Variants in MSRB3 observed in about 807,000 individuals in gnomAD.
The protein encoded by MSRB3 is methionine sulfoxide reductase B3.
In MSRB3, 13 loss-of-function variants were observed where a neutral mutation model predicts 21.0. The ratio of observed to expected loss-of-function variants is 0.62; its 90% CI spans 0.40 to 0.98. The LOEUF is 0.98. Ranked by LOEUF, MSRB3 falls within the 50% of genes least tolerant of loss-of-function variation. The pLI, the probability that MSRB3 is intolerant of heterozygous loss-of-function variation, is 0.00. For missense variants in MSRB3, 199 were observed against 230.3 expected (o/e 0.86, Z 0.88); for synonymous variants, 87 against 88.6 (o/e 0.98, Z 0.10).
intron 5 of MSRB3, among the ~76,000 whole-genome samples, chr12:65,399,938 C>T (rs1880028878): frequency 6.6e-6 from 1 of 152,154 alleles, no homozygotes; most frequent in Non-Finnish European, 1.5e-5. Flanking sequence ...AGCCTTGCAT[C>T]CCAGGGATGA....
At chr12:65,331,999 C>A (rs910118895) in intron 4 of MSRB3, among the ~76,000 whole-genome samples, 3 of 152,226 alleles carry the variant, frequency 2.0e-5, no homozygotes, top group Non-Finnish European at 4.4e-5. Context: ...CTCCTGGAGT[C>A]TGTCTCCTGT....
chr12:65,443,263 G>C (rs1375876881), intron 5 of MSRB3, among the ~76,000 whole-genome samples: 2 of 152,092 alleles, frequency 1.3e-5, no homozygotes, highest in African/African-American at 4.8e-5. Context: ...GGACACCTCA[G>C]TGTTCTTGAC....
chr12:65,397,969 T>G (rs181903489), intron 5 of MSRB3, among the ~76,000 whole-genome samples: 347 of 152,336 alleles, frequency 2.3e-3, no homozygotes, highest in African/African-American at 8.0e-3. Flanking sequence ...TAGTATTCCA[T>G]GATGTATATG....
chr12:65,333,768 A>G (rs892627671), intron 4 of MSRB3, among the ~76,000 whole-genome samples: 1 of 152,196 alleles, frequency 6.6e-6, no homozygotes, highest in Non-Finnish European at 1.5e-5. Flanking sequence ...ACTTTGTTTT[A>G]TAATTATCTG....
At chr12:65,387,569 T>C (rs750628480) in intron 5 of MSRB3, among the ~76,000 whole-genome samples, 6 of 152,194 alleles carry the variant, frequency 3.9e-5, no homozygotes, top group Admixed American at 6.5e-5. Context: ...AGGCTGGAAA[T>C]AAGAGCAGGG....
intron 5 of MSRB3, among the ~76,000 whole-genome samples, chr12:65,370,757 A>T (rs1373361877): frequency 2.6e-5 from 4 of 151,800 alleles, no homozygotes; most frequent in Admixed American, 6.6e-5. Flanking sequence ...GTTCTTATTT[A>T]AAAAAAATCT....
intron 1 of MSRB3, among the ~76,000 whole-genome samples, chr12:65,298,130 A>T (rs755034193): frequency 2.0e-5 from 3 of 151,968 alleles, no homozygotes; most frequent in Non-Finnish European, 4.4e-5. Context: ...CAGCGTTCCG[A>T]GTAGCTGGAA....
At chr12:65,411,806 A>G (rs1880729438) in intron 5 of MSRB3, among the ~76,000 whole-genome samples, 1 of 149,308 alleles carries the variant, frequency 6.7e-6, no homozygotes, top group Non-Finnish European at 1.5e-5. Context: ...TTTATACTAT[A>G]TACTTATGTT....
chr12:65,416,216 G>T (rs1048683221), intron 5 of MSRB3, among the ~76,000 whole-genome samples: 1 of 152,154 alleles, frequency 6.6e-6, no homozygotes, highest in African/African-American at 2.4e-5. Context: ...AACACCTGGG[G>T]AAATGTTCCC....
chr12:65,336,448 A>G (rs977788640), intron 4 of MSRB3, among the ~76,000 whole-genome samples: 1 of 152,224 alleles, frequency 6.6e-6, no homozygotes, highest in Admixed American at 6.5e-5. Context: ...TTGTGTGTGT[A>G]TGTGTATTAT....
chr12:65,432,285 A>C (rs1881913122), intron 5 of MSRB3, among the ~76,000 whole-genome samples: 1 of 152,014 alleles, frequency 6.6e-6, no homozygotes, highest in Non-Finnish European at 1.5e-5. Flanking sequence ...TCATTACATA[A>C]TCTATATCCA....
At chr12:65,427,960 A>T (rs73121333) in intron 5 of MSRB3, among the ~76,000 whole-genome samples, 27,000 of 152,180 alleles carry the variant, frequency 0.18, 2,933 homozygotes, top group Admixed American at 0.25. Flanking sequence ...GTGCAGCCAC[A>T]GGACCCAGGT....
At chr12:65,387,916 C>T (rs1879276110) in intron 5 of MSRB3, among the ~76,000 whole-genome samples, 2 of 151,508 alleles carry the variant, frequency 1.3e-5, no homozygotes, top group Non-Finnish European at 2.9e-5. Context: ...ATGGTATTTA[C>T]TTAGGGTTTA....
chr12:65,435,423 ATT>A (rs1228136567), intron 5 of MSRB3, among the ~76,000 whole-genome samples: 1 of 151,788 alleles, frequency 6.6e-6, no homozygotes, highest in Non-Finnish European at 1.5e-5. Context: ...TTAATGCTTT[ATT>A]ATATTTGTGA....
At position 65,459,009 on chromosome 12, in the gene MSRB3, GAAGT is replaced by G. The variant is rs1883207652; in HGVS notation, c.391-4141_391-4138del. Among the ~76,000 whole-genome samples, 3 of 152,350 alleles carry G rather than the reference GAAGT, an allele frequency of 2.0e-5. No homozygotes were observed. The South Asian group carries it at 6.2e-4, about 32-fold the overall frequency. ...TCCACAGTTTAACCTGCAGTTCAGT[GAAGT>G]AAGTTCCTTCTAGAATACTTGGGGA... On this transcript the variant is annotated intron_variant, in intron 6 of 6. Coordinates refer to ENST00000308259, the MANE Select transcript of MSRB3 (RefSeq NM_001031679.3).
intron 1 of MSRB3, among the ~76,000 whole-genome samples, chr12:65,293,944 G>A (rs1030323331): frequency 2.6e-5 from 4 of 152,190 alleles, no homozygotes; most frequent in African/African-American, 7.2e-5. Context: ...TTTACTTTCA[G>A]AGCTCTCCTG....
At chr12:65,280,633 C>G (rs1275685108) in intron 1 of MSRB3, among the ~76,000 whole-genome samples, 1 of 152,072 alleles carries the variant, frequency 6.6e-6, no homozygotes, top group Non-Finnish European at 1.5e-5. Flanking sequence ...TATTAGGGCC[C>G]TATATGAATA....
intron 5 of MSRB3, among the ~76,000 whole-genome samples, chr12:65,380,790 A>G (rs556327177): frequency 1.3e-5 from 2 of 152,330 alleles, no homozygotes; most frequent in South Asian, 2.1e-4. Context: ...ATATTTGCCC[A>G]AGGTCACATA....
intron 2 of MSRB3, among the ~76,000 whole-genome samples, chr12:65,313,188 T>A (rs1194870255): frequency 1.3e-5 from 2 of 152,134 alleles, no homozygotes; most frequent in Non-Finnish European, 2.9e-5. Context: ...GCCCTTTTGA[T>A]CACTTCTTTG....
Sources: allele counts gnomAD v4.1 joint callset (sites outside exome capture counted in the v4.1 genomes callset), GRCh38; gene constraint gnomAD v4.1.1; transcripts MANE v1.5; gene names NCBI Gene and HGNC (gene_info 2026-07-23, HGNC 2026-07-21).